Variants in DLGAP1 observed in about 807,000 individuals in gnomAD.
DLGAP1 encodes disks large-associated protein 1.
A neutral mutation model predicts 90.8 loss-of-function variants in DLGAP1; 11 were observed. That is an observed-to-expected ratio of 0.12 (90% CI 0.08 to 0.20). The LOEUF (loss-of-function observed/expected upper bound fraction) is 0.20. Ranked by LOEUF, DLGAP1 falls within the 10% of genes least tolerant of loss-of-function variation. DLGAP1 has a pLI of 1.00. For missense variants in DLGAP1, 1,050 were observed against 1,333.8 expected, an observed-to-expected ratio of 0.79 and a Z score of 3.31; for synonymous variants, 558 against 540.7, an observed-to-expected ratio of 1.03 and a Z score of -0.44.
chr18:3,763,217 G>C (rs897786445), intron 5 of DLGAP1, among the ~76,000 whole-genome samples: 1 of 152,202 alleles, frequency 6.6e-6, no homozygotes, highest in Admixed American at 6.5e-5. Context: ...GGAAAGACTA[G>C]ACTGGCTAAG....
chr18:3,669,616 GA>G (rs1567933307), intron 7 of DLGAP1, among the ~76,000 whole-genome samples: 1 of 152,224 alleles, frequency 6.6e-6, no homozygotes, highest in Non-Finnish European at 1.5e-5. Context: ...CGGAATGAGG[GA>G]GAGTTGGTCC....
chr18:3,686,661 T>C (rs999492468), intron 7 of DLGAP1, among the ~76,000 whole-genome samples: 2 of 152,120 alleles, frequency 1.3e-5, no homozygotes, highest in African/African-American at 4.8e-5. Context: ...AAAGAAATCA[T>C]TGGTCAGGTT....
chr18:3,613,848 T>C (rs903098740), intron 7 of DLGAP1, among the ~76,000 whole-genome samples: 21 of 152,158 alleles, frequency 1.4e-4, no homozygotes, highest in African/African-American at 5.1e-4. Flanking sequence ...TTAAAATATG[T>C]AAAAGCCCTT....
intron 7 of DLGAP1, among the ~76,000 whole-genome samples, chr18:3,631,602 C>T (rs2058527642): frequency 6.6e-6 from 1 of 151,670 alleles, no homozygotes; most frequent in Non-Finnish European, 1.5e-5. Flanking sequence ...AAAATATTAG[C>T]TAGGCATGGT....
intron 6 of DLGAP1, among the ~76,000 whole-genome samples, chr18:3,735,337 A>G (rs1332127358): frequency 6.6e-6 from 1 of 152,206 alleles, no homozygotes; most frequent in African/African-American, 2.4e-5. Flanking sequence ...CTTCTGCCTC[A>G]GCCTCCTGAG....
At chr18:3,751,322 G>C (rs180752273) in intron 5 of DLGAP1, among the ~76,000 whole-genome samples, 6 of 151,856 alleles carry the variant, frequency 4.0e-5, no homozygotes, top group Admixed American at 3.9e-4. Context: ...TTTGAGTCAG[G>C]GTCTCACTCT....
At chr18:3,762,031 A>G (rs1423342633) in intron 5 of DLGAP1, among the ~76,000 whole-genome samples, 3 of 152,236 alleles carry the variant, frequency 2.0e-5, no homozygotes, top group Non-Finnish European at 4.4e-5. Context: ...CCCCACCCTG[A>G]GGAGGCACTT....
At chr18:4,423,235 T>C (rs1293526699) in intron 1 of DLGAP1, among the ~76,000 whole-genome samples, 1 of 152,162 alleles carries the variant, frequency 6.6e-6, no homozygotes, top group African/African-American at 2.4e-5. Flanking sequence ...AATCAAAAAA[T>C]GTCCTGTTAG....
intron 1 of DLGAP1, among the ~76,000 whole-genome samples, chr18:4,236,422 C>T (rs763865191): frequency 6.6e-6 from 1 of 152,138 alleles, no homozygotes; most frequent in African/African-American, 2.4e-5. Context: ...CACTGAAGCA[C>T]GGTGTGGTAG....
intron 2 of DLGAP1, among the ~76,000 whole-genome samples, chr18:4,059,353 A>G (rs1432302776): frequency 2.0e-5 from 3 of 152,166 alleles, no homozygotes; most frequent in Non-Finnish European, 4.4e-5. Context: ...CATCCCCAAG[A>G]ATTGGGAAAA....
chr18:3,880,179 C>A (rs1459730000), intron 3 of DLGAP1, 39 bp from the exon 4 acceptor site: 1 of 1,005,720 alleles, frequency 9.9e-7, no homozygotes, highest in African/African-American at 1.6e-5. Context: ...GTTAACATTT[C>A]TCTTGGAAAT....
intron 2 of DLGAP1, among the ~76,000 whole-genome samples, chr18:4,126,523 A>G (rs2076235567): frequency 6.6e-6 from 1 of 152,242 alleles, no homozygotes. Context: ...GTATGCATAC[A>G]TGTGTGTATG....
At chr18:4,351,982 C>T (rs2081412141) in intron 1 of DLGAP1, among the ~76,000 whole-genome samples, 3 of 152,096 alleles carry the variant, frequency 2.0e-5, no homozygotes, top group African/African-American at 7.2e-5. Context: ...ATTTACAAAT[C>T]TGGAATAAAA....
intron 3 of DLGAP1, among the ~76,000 whole-genome samples, chr18:3,952,501 T>C (rs1300094570): frequency 6.6e-6 from 1 of 152,226 alleles, no homozygotes. Flanking sequence ...AAAGGGTTGA[T>C]TTCCCACTTG....
At chr18:3,620,022 T>C (rs2058039874) in intron 7 of DLGAP1, among the ~76,000 whole-genome samples, 1 of 151,952 alleles carries the variant, frequency 6.6e-6, no homozygotes, top group African/African-American at 2.4e-5. Context: ...GGGTGGATGG[T>C]CCCTAAAGAC....
chr18:4,095,244 A>G (rs918251467), intron 2 of DLGAP1, among the ~76,000 whole-genome samples: 1 of 152,184 alleles, frequency 6.6e-6, no homozygotes, highest in Non-Finnish European at 1.5e-5. Context: ...CGGTTTCATA[A>G]ATTTGTGCCA....
chr18:3,704,421 A>C (rs773645682), intron 7 of DLGAP1, among the ~76,000 whole-genome samples: 1 of 151,920 alleles, frequency 6.6e-6, no homozygotes. Flanking sequence ...AAATACAAAA[A>C]TTAGCTGGTG....
chr18:3,741,064 C>CCACCACCACCACCACCAT (rs2062929634), intron 6 of DLGAP1, among the ~76,000 whole-genome samples: 2 of 103,880 alleles, frequency 1.9e-5, no homozygotes, highest in Non-Finnish European at 4.0e-5. Context: ...ACCATCACCA[C>CCACCACCACCACCACCAT]CACCACCACC....
chr18:3,738,417 C>G (rs1170339355), intron 6 of DLGAP1, among the ~76,000 whole-genome samples: 1 of 147,392 alleles, frequency 6.8e-6, no homozygotes, highest in Non-Finnish European at 1.5e-5. Context: ...GTACTGGTAC[C>G]AAAACAGAGA....
Sources: allele counts gnomAD v4.1 joint callset (sites outside exome capture counted in the v4.1 genomes callset), GRCh38; gene constraint gnomAD v4.1.1; transcripts MANE v1.5; gene names NCBI Gene and HGNC (gene_info 2026-07-23, HGNC 2026-07-21).